The following SLC44A5 variants were observed in gnomAD, a reference collection of about 807,000 sequenced individuals.
SLC44A5 encodes solute carrier family 44 member 5.
A neutral mutation model predicts 101.8 loss-of-function variants in SLC44A5; 57 were observed. The ratio of observed to expected loss-of-function variants is 0.56; its 90% CI spans 0.45 to 0.70. SLC44A5 has a LOEUF of 0.70. Ranked by LOEUF, SLC44A5 falls within the 30% of genes least tolerant of loss-of-function variation. SLC44A5 has a pLI of 0.00. For synonymous variants in SLC44A5, 281 were observed against 290.9 expected (o/e 0.97, Z 0.35); for missense variants, 737 against 853.1 (o/e 0.86, Z 1.70).
intron 6 of SLC44A5, among the ~76,000 whole-genome samples, chr1:75,255,311 A>G (rs1649926625): frequency 6.6e-6 from 1 of 152,166 alleles, no homozygotes; most frequent in Non-Finnish European, 1.5e-5. Context: ...AGGGCATAGG[A>G]GGGAACTTTA....
intron 4 of SLC44A5, among the ~76,000 whole-genome samples, chr1:75,327,922 A>G (rs1656729665): frequency 6.6e-6 from 1 of 152,134 alleles, no homozygotes; most frequent in Non-Finnish European, 1.5e-5. Context: ...TACTATTTAG[A>G]TCTGGTAACC....
At chr1:75,668,487 G>A in the SLC44A5 span, among the ~76,000 whole-genome samples, 1 of 150,654 alleles carries the variant, frequency 6.6e-6, no homozygotes, top group Admixed American at 6.6e-5. Flanking sequence ...ACCATGCCCG[G>A]TTAATTTTTT....
At chr1:75,487,831 C>T (rs1465499346) in intron 2 of SLC44A5, among the ~76,000 whole-genome samples, 1 of 152,178 alleles carries the variant, frequency 6.6e-6, no homozygotes, top group African/African-American at 2.4e-5. Context: ...GGTACCAGTC[C>T]ATGGCCTGTT....
In SLC44A5 at chr1:75,215,824, C is replaced by T. The variant is rs1646949561; in HGVS notation, c.1658G>A (p.Cys553Tyr). 3 of 1,607,830 alleles carry T rather than the reference C, an allele frequency of 1.9e-6. No homozygotes were observed. The highest frequency in any genetic ancestry group is 2.2e-5 in the South Asian group (2 of 90,876). Reference protein sequence around the residue: ...TQNTLSKFLQCCLRCCFWCLE... With the variant: ...TQNTLSKFLQYCLRCCFWCLE... Reference sequence around the variant, plus strand: ...ACACCAGAAGCAGCATCTCAGGCAGCATTGTAGGAATTTAGACAATGTGTT... The same window carrying T: ...ACACCAGAAGCAGCATCTCAGGCAGTATTGTAGGAATTTAGACAATGTGTT... The change falls in exon 19 of 24, where the codon TGC (cysteine) becomes TAC (tyrosine). Residue 553 changes from cysteine to tyrosine, a missense_variant. Cys to Tyr is a radical substitution (Grantham distance 194). Coordinates refer to ENST00000370859, the MANE Select transcript of SLC44A5 (RefSeq NM_001130058.2).
At chr1:75,424,191 C>G (rs766493096) in intron 2 of SLC44A5, among the ~76,000 whole-genome samples, 2 of 152,354 alleles carry the variant, frequency 1.3e-5, no homozygotes, top group African/African-American at 2.4e-5. Flanking sequence ...ACCGATGACT[C>G]TCAGTCTAAA....
Position 75,202,566 on chromosome 1 carries a change from G to C in SLC44A5, c.*1161C>G, listed in dbSNP as rs1406620227. 6.6e-6 allele frequency: 1 copy of C among 152,014 alleles called. No homozygotes were observed. Among genetic ancestry groups the C allele is most frequent in the Non-Finnish European group, 1.5e-5 (1 of 67,998 alleles). The allele number at this position is 152,014 out of a possible 1,614,324, so 9.4% of individuals were successfully genotyped here. ...ATTGGAAATTATGTTCCTGTTTATA[G>C]TAGTACAATACAATTAACATACTGT... is the stretch of plus-strand genomic sequence containing the variant. On this transcript the variant is annotated 3_prime_UTR_variant, in exon 24 of 24. Coordinates refer to ENST00000370859, the MANE Select transcript of SLC44A5 (RefSeq NM_001130058.2).
intron 4 of SLC44A5, among the ~76,000 whole-genome samples, chr1:75,325,294 G>C (rs1010890382): frequency 6.6e-6 from 1 of 152,058 alleles, no homozygotes; most frequent in African/African-American, 2.4e-5. Context: ...TTAAGAATCT[G>C]ATACATTTAT....
chr1:75,613,849 C>T (rs567284579), upstream of SLC44A5, among the ~76,000 whole-genome samples: 99 of 152,186 alleles, frequency 6.5e-4, no homozygotes, highest in African/African-American at 2.1e-3. Context: ...TTTGAGGGGA[C>T]GGAAGAATAA....
chr1:75,617,489 C>CA, the SLC44A5 span, among the ~76,000 whole-genome samples: 3 of 152,278 alleles, frequency 2.0e-5, no homozygotes, highest in Non-Finnish European at 2.9e-5. Flanking sequence ...GATATCATCT[C>CA]AAAAATTTCT....
the SLC44A5 span, among the ~76,000 whole-genome samples, chr1:75,628,278 A>G: frequency 1.3e-5 from 2 of 152,164 alleles, no homozygotes; most frequent in African/African-American, 4.8e-5. Flanking sequence ...CCTCTCTGCA[A>G]ATTGATTTCA....
chr1:75,233,397 G>A (rs1414440407), intron 12 of SLC44A5, among the ~76,000 whole-genome samples: 2 of 151,560 alleles, frequency 1.3e-5, no homozygotes, highest in African/African-American at 2.4e-5. Context: ...CACACTCTAC[G>A]TCCACGTGTA....
chr1:75,275,747 G>C (rs1032384855), intron 5 of SLC44A5, among the ~76,000 whole-genome samples: 1 of 151,898 alleles, frequency 6.6e-6, no homozygotes. Context: ...TAGACCATAG[G>C]ACCACAGAGA....
Position 75,494,616 on chromosome 1 carries a change from C to T in SLC44A5, c.13+46819G>A, listed in dbSNP as rs148983030. Among the ~76,000 whole-genome samples, 948 of 152,236 alleles carry T rather than the reference C, an allele frequency of 6.2e-3. 5 individuals are homozygous for T. The highest frequency in any genetic ancestry group is 0.011 in the Admixed American group (169 of 15,290). ...GAGTTGGCCTACCTGTCTAGTATCCCAACTTTTCTGGTCGTTACCTGAGAA... is the reference window on the plus strand; with the variant it reads ...GAGTTGGCCTACCTGTCTAGTATCCTAACTTTTCTGGTCGTTACCTGAGAA... On this transcript the variant is annotated intron_variant, in intron 2 of 23. Transcript: ENST00000370859.
chr1:75,375,870 C>A (rs1230048795), intron 3 of SLC44A5, among the ~76,000 whole-genome samples: 4 of 152,342 alleles, frequency 2.6e-5, no homozygotes, highest in Admixed American at 2.6e-4. Flanking sequence ...CTGTCTACAG[C>A]TCCCAGCGTG....
chr1:75,514,919 T>C (rs768789949), intron 2 of SLC44A5, among the ~76,000 whole-genome samples: 2 of 152,168 alleles, frequency 1.3e-5, no homozygotes, highest in Non-Finnish European at 2.9e-5. Flanking sequence ...ACTGATAAAA[T>C]AGACATAAAT....
chr1:75,242,960 G>T lies in SLC44A5; in HGVS notation c.397C>A (p.Leu133Ile), dbSNP rs891446821. Residue 133 changes from leucine (L) to isoleucine (I), a missense_variant, in exon 8 of 24, where the codon CTT (leucine) becomes ATT (isoleucine). Transcript: ENST00000370859. ...EKFLTYVEMQLLYTKDKSYWE... is the reference protein window; with the variant it reads ...EKFLTYVEMQILYTKDKSYWE... ...TAGCTTTTGTCTTTTGTGTACAAAA[G>T]TTGCATTTCCACATAGGTTAAAAAT... The T allele has an allele frequency of 6.2e-7, 1 of 1,612,546 alleles. No homozygotes were observed. The highest frequency in any genetic ancestry group is 1.3e-5 in the African/African-American group (1 of 74,934).
rs1034720062 is a variant in SLC44A5 at position 75,202,324 on chromosome 1, TA to T, written c.*1402del. On this transcript the variant is annotated 3_prime_UTR_variant, in exon 24 of 24. Transcript: ENST00000370859. ...TGTGAGTTTATTTTTGGCATAAAAG[TA>T]TCTAAAGTCACATTTAAACAAATGT... The T allele has an allele frequency of 4.6e-5, 7 of 152,168 alleles. No homozygotes were observed. The highest frequency in any genetic ancestry group is 1.7e-4 in the African/African-American group (7 of 41,450). The allele number at this position is 152,168 out of a possible 1,614,324, so 9.4% of individuals were successfully genotyped here.
At chr1:75,602,772 T>A (rs1309423795) in intron 1 of SLC44A5, among the ~76,000 whole-genome samples, 6 of 152,116 alleles carry the variant, frequency 3.9e-5, no homozygotes, top group African/African-American at 1.4e-4. Context: ...TAATACTAGT[T>A]TGTGAAGCAT....
intron 13 of SLC44A5, among the ~76,000 whole-genome samples, chr1:75,225,642 C>T (rs1647180236): frequency 6.6e-6 from 1 of 152,160 alleles, no homozygotes; most frequent in South Asian, 2.1e-4. Flanking sequence ...GTATTTATAA[C>T]TCTGCCTACT....
Sources: gnomAD v4.1 joint callset for allele counts (sites outside exome capture counted in the v4.1 genomes callset) on GRCh38, gnomAD v4.1.1 for gene constraint, MANE v1.5 for transcripts, NCBI Gene and HGNC (gene_info 2026-07-23, HGNC 2026-07-21) for gene names.